Variants in DOK5 observed in about 807,000 individuals in gnomAD.
DOK5 encodes docking protein 5.
DOK5 carries 27 observed loss-of-function variants against 43.3 expected under a neutral mutation model. The ratio of observed to expected loss-of-function variants is 0.62; its 90% confidence interval spans 0.46 to 0.86. The LOEUF is 0.86. DOK5 is among the 40% of genes least tolerant of loss of function. The probability of loss-of-function intolerance (pLI) is 0.00; values close to 1 mark genes in which losing one functional copy is unlikely to be tolerated. For synonymous variants in DOK5, 146 were observed against 140.1 expected (o/e 1.04, Z -0.30); for missense variants, 373 against 392.9 (o/e 0.95, Z 0.43).
At chr20:54,532,632 C>A (rs1003753403) in intron 1 of DOK5, among the ~76,000 whole-genome samples, 6 of 152,038 alleles carry the variant, frequency 3.9e-5, no homozygotes, top group African/African-American at 1.4e-4. Context: ...CTTTATGTGC[C>A]GGGACTGCTG....
intron 1 of DOK5, among the ~76,000 whole-genome samples, chr20:54,487,800 T>G (rs1484571953): frequency 6.6e-6 from 1 of 152,152 alleles, no homozygotes; most frequent in Non-Finnish European, 1.5e-5. Context: ...CAACCTTATT[T>G]TGGTTTTGCC....
intron 1 of DOK5, among the ~76,000 whole-genome samples, chr20:54,516,693 T>C (rs1255347828): frequency 1.3e-5 from 2 of 152,120 alleles, no homozygotes. Flanking sequence ...AGCCTAGCAA[T>C]ATACGATGTA....
At chr20:54,622,222 TA>T (rs888964554) in intron 6 of DOK5, among the ~76,000 whole-genome samples, 1 of 150,914 alleles carries the variant, frequency 6.6e-6, no homozygotes, top group African/African-American at 2.4e-5. Flanking sequence ...AAAAATAAAA[TA>T]AAAAAAAGAG....
chr20:54,500,347 G>A (rs964137342), intron 1 of DOK5, among the ~76,000 whole-genome samples: 1 of 151,950 alleles, frequency 6.6e-6, no homozygotes, highest in Non-Finnish European at 1.5e-5. Flanking sequence ...AATAGGGAAG[G>A]CCACATAGAT....
intron 1 of DOK5, 83 bp downstream of exon 1, chr20:54,476,095 G>A: frequency 6.3e-7 from 1 of 1,586,416 alleles, no homozygotes; most frequent in Non-Finnish European, 8.6e-7. Flanking sequence ...GGTGGACGGA[G>A]AGTCCCCGGC....
intron 1 of DOK5, among the ~76,000 whole-genome samples, chr20:54,539,311 T>C (rs1020523405): frequency 6.7e-5 from 7 of 104,328 alleles, no homozygotes; most frequent in African/African-American, 2.2e-4. Context: ...AAAAAAAAAG[T>C]GGAGAACAGA....
chr20:54,629,109 T>G (rs192499126), intron 6 of DOK5, among the ~76,000 whole-genome samples: 1 of 152,372 alleles, frequency 6.6e-6, no homozygotes, highest in African/African-American at 2.4e-5. Flanking sequence ...CCCCTGGTTT[T>G]CATTTTCTAG....
chr20:54,549,848 A>G (rs1432685143), intron 1 of DOK5, among the ~76,000 whole-genome samples: 2 of 152,202 alleles, frequency 1.3e-5, no homozygotes, highest in Non-Finnish European at 2.9e-5. Flanking sequence ...GGCATGTACA[A>G]AAGCAAGAGG....
chr20:54,631,743 G>A (rs57120787), intron 6 of DOK5, among the ~76,000 whole-genome samples: 7,501 of 152,248 alleles, frequency 0.049, 225 homozygotes, highest in Middle Eastern at 0.11. Flanking sequence ...GGAGGCCGAG[G>A]TGGGCGGATC....
At chr20:54,602,551 T>C (rs1044687417) in intron 5 of DOK5, among the ~76,000 whole-genome samples, 1 of 152,242 alleles carries the variant, frequency 6.6e-6, no homozygotes, top group African/African-American at 2.4e-5. Context: ...AACATTTCAG[T>C]TGGATGCCGC....
chr20:54,501,122 T>C (rs1237118491), intron 1 of DOK5, among the ~76,000 whole-genome samples: 1 of 152,082 alleles, frequency 6.6e-6, no homozygotes, highest in African/African-American at 2.4e-5. Flanking sequence ...TATTACAAAT[T>C]AACTTCCCTA....
chr20:54,641,559 TCATCATCATCATCATCATCATCTC>T (rs1484265304), intron 6 of DOK5, among the ~76,000 whole-genome samples: 2 of 120,110 alleles, frequency 1.7e-5, no homozygotes, highest in Non-Finnish European at 3.9e-5. Flanking sequence ...ATCATCATCA[TCATCATCATCATCATCATCATCTC>T]CATCTCCATT....
intron 1 of DOK5, among the ~76,000 whole-genome samples, chr20:54,553,667 C>T (rs1392412777): frequency 7.3e-5 from 11 of 150,310 alleles, no homozygotes; most frequent in African/African-American, 2.7e-4. Context: ...GAGGCCGAGG[C>T]GGGTGGATCA....
In DOK5 at chr20:54,547,794, G is replaced by T. The variant is rs150149013; in HGVS notation, c.67-7139G>T. Among the ~76,000 whole-genome samples the T allele has an allele frequency of 3.3e-3, 498 of 152,290 alleles. 4 individuals are homozygous for T. Among genetic ancestry groups the T allele is most frequent in the African/African-American group, 0.011 (464 of 41,570 alleles). On this transcript the variant is annotated intron_variant, in intron 1 of 7. Transcript: ENST00000262593. ...TGCTGTCTTTCCACCCAGCTTATTA[G>T]AACTGTGTGATGTGCTTATCTGCTT...
chr20:54,496,336 A>G (rs1982390174), intron 1 of DOK5, among the ~76,000 whole-genome samples: 1 of 152,224 alleles, frequency 6.6e-6, no homozygotes. Context: ...GAGAAAGACT[A>G]ACAGGAAGAA....
chr20:54,526,671 A>C (rs976271245), intron 1 of DOK5, among the ~76,000 whole-genome samples: 1 of 152,204 alleles, frequency 6.6e-6, no homozygotes, highest in Non-Finnish European at 1.5e-5. Context: ...CCATGTAATT[A>C]AACTGTGTGT....
At chr20:54,476,854 A>G (rs1384210602) in intron 1 of DOK5, among the ~76,000 whole-genome samples, 1 of 151,928 alleles carries the variant, frequency 6.6e-6, no homozygotes, top group South Asian at 2.1e-4. Context: ...AAGAGAACCT[A>G]CCCTTCCTCT....
At chr20:54,511,249 A>G (rs1207799008) in intron 1 of DOK5, among the ~76,000 whole-genome samples, 1 of 152,194 alleles carries the variant, frequency 6.6e-6, no homozygotes, top group Non-Finnish European at 1.5e-5. Flanking sequence ...ATGGGGATAT[A>G]CTACATAGAG....
chr20:54,538,025 G>T (rs1422239073), intron 1 of DOK5, among the ~76,000 whole-genome samples: 1 of 151,560 alleles, frequency 6.6e-6, no homozygotes, highest in Non-Finnish European at 1.5e-5. Flanking sequence ...TTTTAGTAGA[G>T]ACGGGGTTTC....
Sources: allele counts gnomAD v4.1 joint callset (sites outside exome capture counted in the v4.1 genomes callset), GRCh38; gene constraint gnomAD v4.1.1; transcripts MANE v1.5; gene names NCBI Gene and HGNC (gene_info 2026-07-23, HGNC 2026-07-21).